The following SPTBN4 variants were observed in gnomAD, a reference collection of about 807,000 sequenced individuals.
SPTBN4 encodes the protein spectrin beta, non-erythrocytic 4.
A neutral mutation model predicts 277.8 loss-of-function variants in SPTBN4; 96 were observed. The observed-to-expected ratio is 0.35, with a 90% confidence interval of 0.29 to 0.41. SPTBN4 has a LOEUF of 0.41. Among genes scored for constraint, SPTBN4 ranks in the 10% least tolerant of loss-of-function variants. The pLI is 1.00. For synonymous variants in SPTBN4, 1,481 were observed against 1,580.3 expected, an observed-to-expected ratio of 0.94 and a Z score of 1.49; for missense variants, 3,006 against 3,595.7, an observed-to-expected ratio of 0.84 and a Z score of 4.19.
rs545497890 is a variant in SPTBN4 at position 40,560,597 on chromosome 19, C to T, written c.5915+194C>T. The T allele has an allele frequency of 6.6e-4, 952 of 1,451,684 alleles. 5 individuals are homozygous for T. Among genetic ancestry groups the T allele is most frequent in the Admixed American group, 3.1e-3 (116 of 37,704 alleles). 89.9% of individuals were successfully genotyped at this position (1,451,684 alleles called of 1,614,324 possible). ...TTTTTAGGCCTGTCATTGGGGACTT[C>T]GGTCATGGGGCATCCTTCTGTCCGC... On this transcript the variant is annotated intron_variant, in intron 27 of 35. Transcript: ENST00000598249. The surrounding 1 kb of genome is among the most constrained non-coding windows in gnomAD (Gnocchi z 5.2).
rs867818685 is a variant in SPTBN4 at position 40,512,640 on chromosome 19, C to A, written c.1851C>A (p.Asn617Lys). 1 of 1,541,544 alleles carries A rather than the reference C, an allele frequency of 6.5e-7. No individual in the cohort carries two copies. Among genetic ancestry groups the A allele is most frequent in the Non-Finnish European group, 8.7e-7 (1 of 1,151,660 alleles). The change falls in exon 14 of 36, where the codon AAC becomes AAA. Residue 617 changes from asparagine (N) to lysine (K), a missense_variant. Physicochemically the swap from Asn to Lys is moderately conservative, Grantham distance 94 (BLOSUM62 0). Around this residue, in one of 5 missense-constraint regions of SPTBN4, gnomAD observed 1,759 missense variants for 2,061.5 expected, o/e 0.85. Coordinates refer to ENST00000598249, the MANE Select transcript of SPTBN4 (RefSeq NM_020971.3). Reference protein sequence around the residue: ...YQPCDPQVICNRVNHVHGCLA... With the variant: ...YQPCDPQVICKRVNHVHGCLA... Reference sequence around the variant, plus strand: ...CCTGCGACCCGCAGGTCATCTGCAACCGCGTGAACCACGTGCACGGCTGCC... The same window carrying A: ...CCTGCGACCCGCAGGTCATCTGCAAACGCGTGAACCACGTGCACGGCTGCC...
intron 17 of SPTBN4, among the ~76,000 whole-genome samples, chr19:40,526,876 A>G (rs113328668): frequency 6.6e-6 from 1 of 152,224 alleles, no homozygotes; most frequent in African/African-American, 2.4e-5. Context: ...GGCGTGAGCC[A>G]TCGTGCCCGG....
chr19:40,549,190 C>T lies in SPTBN4; in HGVS notation c.4361C>T (p.Ser1454Phe), dbSNP rs1445579880. Residue 1454 changes from serine (S) to phenylalanine (F), a missense_variant and splice_region_variant, in exon 21 of 36, where the codon TCC (serine) becomes TTC (phenylalanine). By Grantham distance (155) the Ser-to-Phe change is radical (BLOSUM62 -2). Transcript: ENST00000598249. The stretch of plus-strand genomic sequence containing the variant: ...TTGACCCTGCCTCTGTCCCCACAGT[C>T]CATGGAGTCGCAGGTGGAGGAGTGG... ...TVNSQLKKLQSMESQVEEWYR... is the reference protein window; with the variant it reads ...TVNSQLKKLQFMESQVEEWYR... The T allele has an allele frequency of 6.5e-7, 1 of 1,544,652 alleles. No homozygotes were observed.
intron 27 of SPTBN4, among the ~76,000 whole-genome samples, chr19:40,562,506 G>T (rs1407656334): frequency 2.1e-5 from 3 of 145,562 alleles, no homozygotes; most frequent in Non-Finnish European, 4.5e-5. Context: ...CTCCAGCCTG[G>T]GCAACAGAGC....
intron 16 of SPTBN4, among the ~76,000 whole-genome samples, chr19:40,521,358 A>ATAAT (rs2080524490): frequency 6.6e-6 from 1 of 152,188 alleles, no homozygotes; most frequent in Non-Finnish European, 1.5e-5. Flanking sequence ...TTCTATTGTT[A>ATAAT]TTACATTATA....
chr19:40,546,721 A>G (rs571508438), intron 20 of SPTBN4, among the ~76,000 whole-genome samples: 27 of 152,284 alleles, frequency 1.8e-4, no homozygotes, highest in African/African-American at 5.8e-4. Context: ...GTGTGCTTGT[A>G]GTCCTAGCTA....
At chr19:40,556,509 CTTA>C (rs976672143) in intron 25 of SPTBN4, among the ~76,000 whole-genome samples, 1 of 152,058 alleles carries the variant, frequency 6.6e-6, no homozygotes, top group Non-Finnish European at 1.5e-5. Flanking sequence ...TTTATTGTTA[CTTA>C]TTGTTATTTT....
intron 11 of SPTBN4, 91 bp downstream of exon 11, chr19:40,503,024 C>T (rs2080281844): frequency 1.4e-6 from 2 of 1,477,368 alleles, no homozygotes; most frequent in Non-Finnish European, 1.8e-6. Flanking sequence ...ATCTTCTAGG[C>T]AACAGGGAAG....
At chr19:40,478,386 A>C (rs916801653) in intron 2 of SPTBN4, among the ~76,000 whole-genome samples, 1 of 151,738 alleles carries the variant, frequency 6.6e-6, no homozygotes, top group African/African-American at 2.4e-5. Flanking sequence ...AAACTTTAAA[A>C]ATTAACTGGC....
At chr19:40,484,774 T>TAA (rs201944484) in intron 2 of SPTBN4, among the ~76,000 whole-genome samples, 1 of 150,632 alleles carries the variant, frequency 6.6e-6, no homozygotes, top group Non-Finnish European at 1.5e-5. Flanking sequence ...AAAAAAAAAT[T>TAA]AAAAAAAATT....
In SPTBN4 at chr19:40,504,149, G is replaced by GCCCC; in HGVS notation, c.1665+17_1665+18insCCCC. ...GAGATGCAGGTGCCGGCGGGGGGGC[G>GCCCC]GGGATGCGGGTGGAGTGCCAGGAGG... On this transcript the variant is annotated intron_variant, in intron 12 of 35. Coordinates refer to ENST00000598249, the MANE Select transcript of SPTBN4 (RefSeq NM_020971.3). 1 of 1,080,356 alleles carries GCCCC rather than the reference G, an allele frequency of 9.3e-7. No individual in the cohort carries two copies. The highest frequency in any genetic ancestry group is 1.4e-6 in the Non-Finnish European group (1 of 735,078). The allele number at this position is 1,080,356 out of a possible 1,614,324, so 66.9% of individuals were successfully genotyped here. A position where few individuals can be genotyped will look rare whatever the true frequency, so the allele number is the denominator to read the frequency against.
intron 13 of SPTBN4, among the ~76,000 whole-genome samples, chr19:40,511,188 G>C (rs1279423539): frequency 6.6e-6 from 1 of 152,036 alleles, no homozygotes; most frequent in Non-Finnish European, 1.5e-5. Flanking sequence ...GGCGGATCAT[G>C]AGGTCAGGAG....
chr19:40,502,528 G>A lies in SPTBN4; in HGVS notation c.1203+21G>A, dbSNP rs756699682. On this transcript the variant is annotated intron_variant, in intron 10 of 35. Coordinates refer to ENST00000598249, the MANE Select transcript of SPTBN4 (RefSeq NM_020971.3). The surrounding 1 kb of genome is among the most constrained non-coding windows in gnomAD (Gnocchi z 4.9). The stretch of plus-strand genomic sequence containing the variant: ...ACAAGGTGAGGCCGGGGATGCAGGG[G>A]AGAGGCGGGGTTGCACTGTGGAGTT... 6.3e-6 allele frequency: 10 copies of A among 1,597,696 alleles called. No homozygotes were observed. Among genetic ancestry groups the A allele is most frequent in the Admixed American group, 1.7e-5 (1 of 59,400 alleles).
At position 40,515,258 on chromosome 19, in the gene SPTBN4, T is replaced by TAAA; in HGVS notation, c.2766-51_2766-49dup. The TAAA allele has an allele frequency of 6.3e-7, 1 of 1,580,334 alleles. No individual in the cohort carries two copies. The highest frequency in any genetic ancestry group is 8.6e-7 in the Non-Finnish European group (1 of 1,165,844). On this transcript the variant is annotated intron_variant, in intron 14 of 35. Coordinates refer to ENST00000598249, the MANE Select transcript of SPTBN4 (RefSeq NM_020971.3). The surrounding 1 kb of genome is among the most constrained non-coding windows in gnomAD (Gnocchi z 4.1). ...AGTAGAACCAGTAGAAGGTATTTCA[T>TAAA]AAAACCAAGGTCCGCAGGGTTCGGG...
chr19:40,573,097 C>G (rs1288184127), intron 35 of SPTBN4, among the ~76,000 whole-genome samples: 3 of 152,026 alleles, frequency 2.0e-5, no homozygotes, highest in Non-Finnish European at 4.4e-5. Flanking sequence ...TGCTTGAGCC[C>G]AGGACTTCAA....
At chr19:40,511,215 C>T (rs1401889048) in intron 13 of SPTBN4, among the ~76,000 whole-genome samples, 1 of 150,836 alleles carries the variant, frequency 6.6e-6, no homozygotes, top group Non-Finnish European at 1.5e-5. Context: ...ACCAGTCTGG[C>T]CAACATAGCG....
intron 33 of SPTBN4, 180 bp from the exon 34 acceptor site, chr19:40,571,839 G>A (rs2081158108): frequency 1.8e-6 from 1 of 557,374 alleles, no homozygotes; most frequent in Non-Finnish European, 3.0e-6. Context: ...AGACTTAAAT[G>A]CTCCCCTCAG....
chr19:40,495,366 G>A lies in SPTBN4; in HGVS notation c.668+389G>A, dbSNP rs145331454. ...TATCAGAAAATGCTTTCTCAGGCCA[G>A]GCGCAGTGGCTCACACTTGTAATCC... On this transcript the variant is annotated intron_variant, in intron 6 of 35. Coordinates refer to ENST00000598249, the MANE Select transcript of SPTBN4 (RefSeq NM_020971.3). Among the ~76,000 whole-genome samples, 106 of 152,296 alleles carry A rather than the reference G, an allele frequency of 7.0e-4. No homozygotes were observed. The South Asian group carries it at 0.016, about 23-fold the overall frequency.
Position 40,519,831 on chromosome 19 carries a change from G to C in SPTBN4, c.3334G>C (p.Gly1112Arg). The change falls in exon 16 of 36, where the codon GGC (glycine) becomes CGC (arginine). Residue 1112 changes from glycine to arginine, a missense_variant. By Grantham distance (125) the Gly-to-Arg change is moderately radical (BLOSUM62 -2). Transcript: ENST00000598249. The surrounding 1 kb of genome is among the most constrained non-coding windows in gnomAD (Gnocchi z 5.7). Reference sequence around the variant, plus strand: ...GCTCGTGCGCGCCCAGGAGGCGGCGGGCGGCAGCGAGGGGCCCCTGCCCAA... The same window carrying C: ...GCTCGTGCGCGCCCAGGAGGCGGCGCGCGGCAGCGAGGGGCCCCTGCCCAA... The part of the protein sequence containing the change: ...DWLVRAQEAA[G>R]GSEGPLPNSL... 1 of 1,434,950 alleles carries C rather than the reference G, an allele frequency of 7.0e-7. No individual in the cohort carries two copies. The highest frequency in any genetic ancestry group is 9.0e-7 in the Non-Finnish European group (1 of 1,106,930). The allele number at this position is 1,434,950 out of a possible 1,614,324, so 88.9% of individuals were successfully genotyped here.
Sources: allele counts gnomAD v4.1 joint callset (sites outside exome capture counted in the v4.1 genomes callset), GRCh38; gene constraint gnomAD v4.1.1; regional missense constraint gnomAD v4.1.1; non-coding constraint Gnocchi (gnomAD v3.1); transcripts MANE v1.5; gene names NCBI Gene and HGNC (gene_info 2026-07-23, HGNC 2026-07-21).